The following UNC13C variants were observed in gnomAD, a reference collection of about 807,000 sequenced individuals.
UNC13C encodes protein unc-13 homolog C.
A neutral mutation model predicts 245.4 loss-of-function variants in UNC13C; 174 were observed. The observed-to-expected ratio is 0.71, with a 90% confidence interval of 0.63 to 0.80. The LOEUF (loss-of-function observed/expected upper bound fraction) is 0.80, where lower values mean the gene tolerates loss of function less well. UNC13C is among the 30% of genes least tolerant of loss of function. The pLI, the probability that UNC13C is intolerant of heterozygous loss-of-function variation, is 0.00. For synonymous variants in UNC13C, 992 were observed against 895.1 expected, an observed-to-expected ratio of 1.11 and a Z score of -1.93; for missense variants, 2,829 against 2,602.9, an observed-to-expected ratio of 1.09 and a Z score of -1.89.
At chr15:54,001,370 CTG>C (rs67867682) in intron 1 of UNC13C, among the ~76,000 whole-genome samples, 4,762 of 152,252 alleles carry the variant, frequency 0.031, 265 homozygotes, top group African/African-American at 0.11. Context: ...TAGCTCCTGT[CTG>C]GGAATTTAAA....
At chr15:54,547,671 GT>G (rs1311834917) in intron 27 of UNC13C, among the ~76,000 whole-genome samples, 5 of 152,112 alleles carry the variant, frequency 3.3e-5, no homozygotes, top group African/African-American at 1.2e-4. Context: ...ATATGCCTGT[GT>G]TTTTGTTGAT....
At chr15:54,092,078 A>G (rs952473423) in intron 2 of UNC13C, among the ~76,000 whole-genome samples, 6 of 152,308 alleles carry the variant, frequency 3.9e-5, no homozygotes, top group East Asian at 1.9e-4. Flanking sequence ...GATTGTTACT[A>G]TCTTCTTAAT....
intron 4 of UNC13C, among the ~76,000 whole-genome samples, chr15:54,175,353 G>C (rs1251594588): frequency 6.6e-6 from 1 of 151,980 alleles, no homozygotes; most frequent in Admixed American, 6.6e-5. Flanking sequence ...CAGAAGCCAT[G>C]GTGTCCAATC....
chr15:54,512,797 T>C (rs146284121), intron 24 of UNC13C, among the ~76,000 whole-genome samples: 2 of 152,208 alleles, frequency 1.3e-5, no homozygotes, highest in African/African-American at 4.8e-5. Flanking sequence ...ATTTCTAAAC[T>C]TATGTGACTA....
intron 2 of UNC13C, among the ~76,000 whole-genome samples, chr15:54,054,693 A>G (rs1019039514): frequency 6.6e-6 from 1 of 152,188 alleles, no homozygotes; most frequent in African/African-American, 2.4e-5. Flanking sequence ...ATTTTCAACT[A>G]TAAAGGCATA....
At chr15:53,927,131 T>A in the UNC13C span, among the ~76,000 whole-genome samples, 1 of 152,212 alleles carries the variant, frequency 6.6e-6, no homozygotes, top group Non-Finnish European at 1.5e-5. Context: ...AGATACTATT[T>A]TTATTCCAAT....
intron 4 of UNC13C, among the ~76,000 whole-genome samples, chr15:54,180,677 T>G (rs2033767821): frequency 6.6e-6 from 1 of 152,086 alleles, no homozygotes; most frequent in Non-Finnish European, 1.5e-5. Context: ...TTTGACTTTT[T>G]AATAGCCATT....
At chr15:54,614,406 G>A (rs533863392) in intron 30 of UNC13C, among the ~76,000 whole-genome samples, 22 of 151,820 alleles carry the variant, frequency 1.4e-4, no homozygotes, top group African/African-American at 5.3e-4. Flanking sequence ...GAATCTTTTT[G>A]AATCCATAAT....
chr15:54,490,870 CT>C lies in UNC13C; in HGVS notation c.4934-3737del, dbSNP rs754765867. 4.6e-5 allele frequency among the ~76,000 whole-genome samples: 7 copies of C among 152,146 alleles called. 1 individual carries two copies. Among genetic ancestry groups the C allele is most frequent in the East Asian group, 1.9e-4 (1 of 5,170 alleles). On this transcript the variant is annotated intron_variant, in intron 19 of 32. Coordinates refer to ENST00000260323, the MANE Select transcript of UNC13C (RefSeq NM_001080534.3). ...TTTATGTTTCTTTTGACATAAATTC[CT>C]CTCTCCCACTAAATACCACTATCGG...
chr15:54,498,813 C>T (rs1161926999), intron 20 of UNC13C, among the ~76,000 whole-genome samples: 16 of 152,036 alleles, frequency 1.1e-4, no homozygotes, highest in Admixed American at 8.5e-4. Flanking sequence ...ATAGCAATTC[C>T]CCCCACATGG....
chr15:54,391,699 A>T (rs2039960162), intron 17 of UNC13C, among the ~76,000 whole-genome samples: 1 of 152,106 alleles, frequency 6.6e-6, no homozygotes, highest in Non-Finnish European at 1.5e-5. Context: ...AAGTTTTAAC[A>T]TCTGTTGCAT....
In UNC13C at chr15:54,013,076, C is replaced by T. The variant is rs779967285; in HGVS notation, c.173C>T (p.Thr58Ile). The change falls in exon 2 of 33, where the codon ACT (threonine) becomes ATT (isoleucine). Residue 58 changes from threonine to isoleucine, a missense_variant. By Grantham distance (89) the Thr-to-Ile change is moderately conservative (BLOSUM62 -1). Coordinates refer to ENST00000260323, the MANE Select transcript of UNC13C (RefSeq NM_001080534.3). ...GQTKSPKFSY[T>I]FKSTVKKIAK... Reference sequence around the variant, plus strand: ...ACCAAATCCCCCAAATTTTCTTACACTTTTAAAAGCACTGTAAAGAAGATT... The same window carrying T: ...ACCAAATCCCCCAAATTTTCTTACATTTTTAAAAGCACTGTAAAGAAGATT... 1 of 1,613,758 alleles carries T rather than the reference C, an allele frequency of 6.2e-7. No individual in the cohort carries two copies. Among genetic ancestry groups the T allele is most frequent in the African/African-American group, 1.3e-5 (1 of 74,906 alleles).
chr15:53,892,161 C>G, the UNC13C span, among the ~76,000 whole-genome samples: 44 of 152,314 alleles, frequency 2.9e-4, 1 homozygote, highest in African/African-American at 1.1e-3. Context: ...ATATGAAATT[C>G]TGGGTTGAAA....
At chr15:54,086,737 C>CTTTTTTTTTTTTTTTTTTTTTTTTTTT (rs57209912) in intron 2 of UNC13C, among the ~76,000 whole-genome samples, 1 of 92,036 alleles carries the variant, frequency 1.1e-5, no homozygotes, top group Non-Finnish European at 2.1e-5. Flanking sequence ...TATTTTCTTT[C>CTTTTTTTTTTTTTTTTTTTTTTTTTTT]TTTTTTTTTT....
At chr15:54,012,167 A>G (rs185549269) in intron 1 of UNC13C, among the ~76,000 whole-genome samples, 2 of 152,338 alleles carry the variant, frequency 1.3e-5, no homozygotes, top group African/African-American at 4.8e-5. Context: ...GTGGTCAGAA[A>G]AAGATTATTT....
chr15:54,277,705 G>A (rs1281118548), intron 10 of UNC13C, among the ~76,000 whole-genome samples: 2 of 152,072 alleles, frequency 1.3e-5, no homozygotes, highest in African/African-American at 2.4e-5. Flanking sequence ...TTAATTTTAA[G>A]CAATTATTTG....
chr15:54,599,895 G>A (rs1356043122), intron 30 of UNC13C, among the ~76,000 whole-genome samples: 1 of 152,092 alleles, frequency 6.6e-6, no homozygotes, highest in Non-Finnish European at 1.5e-5. Flanking sequence ...CCTAACCATT[G>A]AAAGTAAACT....
chr15:54,555,397 G>A (rs1897045127), intron 28 of UNC13C, 35 bp from the exon 29 acceptor site: 1 of 1,582,978 alleles, frequency 6.3e-7, no homozygotes, highest in Non-Finnish European at 8.7e-7. Context: ...ACATGAACTG[G>A]TTGTTTTATA....
At chr15:54,524,992 ATCGTC>A (rs1895383731) in intron 24 of UNC13C, among the ~76,000 whole-genome samples, 1 of 152,164 alleles carries the variant, frequency 6.6e-6, no homozygotes, top group Admixed American at 6.5e-5. Flanking sequence ...AGTCAGGACT[ATCGTC>A]TCCAGAAAAA....
Sources: gnomAD v4.1 joint callset for allele counts (sites outside exome capture counted in the v4.1 genomes callset) on GRCh38, gnomAD v4.1.1 for gene constraint, MANE v1.5 for transcripts, NCBI Gene and HGNC (gene_info 2026-07-23, HGNC 2026-07-21) for gene names.